PMFBP1: variants seen among roughly 807,000 people sequenced by gnomAD.
The protein encoded by PMFBP1 is polyamine-modulated factor 1-binding protein 1.
Under a neutral mutation model 137.8 loss-of-function variants are expected in PMFBP1, and 131 were observed. The ratio of observed to expected loss-of-function variants is 0.95; its 90% CI spans 0.82 to 1.10. PMFBP1 has a LOEUF of 1.10. Ranked by LOEUF, PMFBP1 falls within the 50% of genes least tolerant of loss-of-function variation. PMFBP1 has a pLI of 0.00. For missense variants in PMFBP1, 1,199 were observed against 1,175.4 expected (o/e 1.02, Z -0.29); for synonymous variants, 490 against 450.4 (o/e 1.09, Z -1.11).
At chr16:72,148,726 C>T (rs543141768) in intron 5 of PMFBP1, among the ~76,000 whole-genome samples, 2 of 152,218 alleles carry the variant, frequency 1.3e-5, no homozygotes, top group East Asian at 3.9e-4. Context: ...ATTCATAAAA[C>T]AGAAATCCAT....
chr16:72,120,168 G>C (rs1385093417), intron 19 of PMFBP1, 79 bp from the exon 20 acceptor site: 1 of 1,601,202 alleles, frequency 6.2e-7, no homozygotes. Flanking sequence ...GACAGATAAA[G>C]GTGTCACAGG....
At chr16:72,169,526 A>T (rs548537156) in intron 2 of PMFBP1, among the ~76,000 whole-genome samples, 2 of 152,186 alleles carry the variant, frequency 1.3e-5, no homozygotes, top group African/African-American at 4.8e-5. Context: ...CTGAGGAGTG[A>T]CTATATTTTA....
chr16:72,214,680 G>C, the PMFBP1 span, among the ~76,000 whole-genome samples: 1 of 152,194 alleles, frequency 6.6e-6, no homozygotes, highest in African/African-American at 2.4e-5. Flanking sequence ...TACAGAGCAT[G>C]TGTAGGACCC....
the PMFBP1 span, among the ~76,000 whole-genome samples, chr16:72,200,252 G>T: frequency 6.6e-6 from 1 of 152,252 alleles, no homozygotes; most frequent in Non-Finnish European, 1.5e-5. Flanking sequence ...CTCTGGCTAG[G>T]ATGGGGGAAG....
the PMFBP1 span, among the ~76,000 whole-genome samples, chr16:72,243,350 G>T: frequency 0.089 from 13,563 of 152,218 alleles, 1,713 homozygotes; most frequent in African/African-American, 0.28. Flanking sequence ...CACTTTGGGA[G>T]GATTTGGGAG....
At chr16:72,214,327 T>C in the PMFBP1 span, among the ~76,000 whole-genome samples, 61 of 152,202 alleles carry the variant, frequency 4.0e-4, no homozygotes, top group South Asian at 0.012. Flanking sequence ...CCCGAGTAAC[T>C]GGGACTACAG....
chr16:72,188,966 G>A, the PMFBP1 span, among the ~76,000 whole-genome samples: 1 of 152,188 alleles, frequency 6.6e-6, no homozygotes, highest in Non-Finnish European at 1.5e-5. Context: ...GAGTGCCCTG[G>A]GGAGGCACTT....
the PMFBP1 span, among the ~76,000 whole-genome samples, chr16:72,231,077 T>A: frequency 6.6e-6 from 1 of 152,170 alleles, no homozygotes; most frequent in Non-Finnish European, 1.5e-5. Context: ...TCACTTTAAA[T>A]AATACTCATG....
chr16:72,168,405 T>C (rs1002276326), intron 2 of PMFBP1, among the ~76,000 whole-genome samples: 2 of 152,264 alleles, frequency 1.3e-5, no homozygotes, highest in African/African-American at 2.4e-5. Context: ...AATTTCTTGC[T>C]GGTATCTCGC....
chr16:72,164,589 T>A, intron 3 of PMFBP1, 175 bp downstream of exon 3: 1 of 1,227,288 alleles, frequency 8.1e-7, no homozygotes, highest in South Asian at 1.3e-5. Context: ...GACTGGCATT[T>A]TCCATGTGTA....
chr16:72,145,957 G>A lies in PMFBP1; in HGVS notation c.636+4651C>T, dbSNP rs886665611. ...CTGAATTCTACAAGAGGTACAAAGA[G>A]GAGTTAGTACCATTCCTTCTGAAAC... On this transcript the variant is annotated intron_variant, in intron 5 of 20. Coordinates refer to ENST00000237353, the MANE Select transcript of PMFBP1 (RefSeq NM_031293.3). Among the ~76,000 whole-genome samples, 9 of 152,252 alleles carry A rather than the reference G, an allele frequency of 5.9e-5. No homozygotes were observed. The East Asian group carries it at 1.7e-3, about 29-fold the overall frequency.
At chr16:72,147,460 A>G (rs560769361) in intron 5 of PMFBP1, among the ~76,000 whole-genome samples, 1 of 152,356 alleles carries the variant, frequency 6.6e-6, no homozygotes, top group South Asian at 2.1e-4. Context: ...GGACATAGGC[A>G]CGGGCAAAGA....
chr16:72,153,064 T>C (rs960004472), intron 4 of PMFBP1, among the ~76,000 whole-genome samples: 3 of 152,186 alleles, frequency 2.0e-5, no homozygotes, highest in African/African-American at 7.2e-5. Flanking sequence ...TTTTCTGTTA[T>C]ATGCTGCTAA....
chr16:72,129,120 C>G lies in PMFBP1; in HGVS notation c.1896G>C (p.Leu632=), dbSNP rs200014946. The G allele has an allele frequency of 2.8e-5, 45 of 1,614,268 alleles. No homozygotes were observed. The highest frequency in any genetic ancestry group is 3.3e-5 in the South Asian group (3 of 91,082). ...QLKKSKEHEK[L]MEGELEALRQ... ...GCAAAGCTTCAAGTTCTCCCTCCAT[C>G]AGCTTCTCATGCTCTTTGCTCTTCT... The change falls in exon 13 of 21, where the codon CTG becomes CTC. Residue 632 remains leucine (L), a synonymous_variant. Transcript: ENST00000237353.
chr16:72,191,574 T>C, the PMFBP1 span, among the ~76,000 whole-genome samples: 2 of 152,246 alleles, frequency 1.3e-5, no homozygotes, highest in Non-Finnish European at 2.9e-5. Context: ...CTCTGAACAG[T>C]TTACCAGAAT....
chr16:72,126,070 C>T lies in PMFBP1; in HGVS notation c.2151G>A (p.Lys717=). The change falls in exon 15 of 21, where the codon AAG becomes AAA. Residue 717 remains lysine, a synonymous_variant. Transcript: ENST00000237353. The part of the protein sequence containing the change: ...LQAQLDKALQ[K]EKHYLQTTIT... ...TGGTAGTCTGGAGATAGTGCTTCTC[C>T]TTCTGCAGAGCTTTGTCCAGCTGGG... The T allele has an allele frequency of 6.2e-7, 1 of 1,614,208 alleles. No homozygotes were observed. Among genetic ancestry groups the T allele is most frequent in the East Asian group, 2.2e-5 (1 of 44,884 alleles).
chr16:72,217,551 T>C, the PMFBP1 span, among the ~76,000 whole-genome samples: 26 of 152,214 alleles, frequency 1.7e-4, no homozygotes, highest in Admixed American at 9.8e-4. Flanking sequence ...CAACACTTCA[T>C]AACTTTTAAA....
chr16:72,146,284 C>T lies in PMFBP1; in HGVS notation c.636+4324G>A, dbSNP rs533565253. The stretch of plus-strand genomic sequence containing the variant: ...AGCAATGACAAAAACCACATGATTA[C>T]CTCAATAGATGCAGAAAAGGCCTTT... On this transcript the variant is annotated intron_variant, in intron 5 of 20. Coordinates refer to ENST00000237353, the MANE Select transcript of PMFBP1 (RefSeq NM_031293.3). Among the ~76,000 whole-genome samples the T allele has an allele frequency of 3.9e-5, 6 of 152,232 alleles. No individual in the cohort carries two copies. In the East Asian group the frequency reaches 1.2e-3, roughly 29 times the overall value.
At chr16:72,184,362 T>C in the PMFBP1 span, among the ~76,000 whole-genome samples, 3 of 152,200 alleles carry the variant, frequency 2.0e-5, no homozygotes, top group Non-Finnish European at 4.4e-5. Flanking sequence ...ACCCACAGGC[T>C]TCTGCAATTC....
Sources: gnomAD v4.1 joint callset for allele counts (sites outside exome capture counted in the v4.1 genomes callset) on GRCh38, gnomAD v4.1.1 for gene constraint, MANE v1.5 for transcripts, NCBI Gene and HGNC (gene_info 2026-07-23, HGNC 2026-07-21) for gene names.